The following STK3 variants were observed in gnomAD, a reference collection of about 807,000 sequenced individuals.
STK3 encodes serine/threonine-protein kinase 3.
STK3 carries 41 observed loss-of-function variants against 58.0 expected under a neutral mutation model. The ratio of observed to expected loss-of-function variants is 0.71; its 90% CI spans 0.55 to 0.92. The LOEUF is 0.92. Among genes scored for constraint, STK3 ranks in the 40% least tolerant of loss-of-function variants. STK3 has a pLI of 0.00. For synonymous variants in STK3, 170 were observed against 191.0 expected (o/e 0.89, Z 0.91); for missense variants, 479 against 602.7 (o/e 0.79, Z 2.15).
chr8:98,524,804 G>A (rs1385287084), intron 10 of STK3, among the ~76,000 whole-genome samples: 1 of 152,166 alleles, frequency 6.6e-6, no homozygotes, highest in Non-Finnish European at 1.5e-5. Context: ...CCCCATTCAA[G>A]TCAGCAGATG....
At chr8:98,887,418 T>A (rs563214226) in intron 1 of STK3, among the ~76,000 whole-genome samples, 1 of 152,298 alleles carries the variant, frequency 6.6e-6, no homozygotes, top group African/African-American at 2.4e-5. Context: ...CCAAAACACT[T>A]CTGGTCCTAA....
chr8:98,601,373 T>A (rs187474467), intron 6 of STK3, among the ~76,000 whole-genome samples: 20 of 152,278 alleles, frequency 1.3e-4, no homozygotes, highest in African/African-American at 4.6e-4. Context: ...ATAATATCCC[T>A]TTAATACAAT....
At chr8:98,803,613 A>G (rs1187899939) in intron 1 of STK3, among the ~76,000 whole-genome samples, 4 of 150,926 alleles carry the variant, frequency 2.7e-5, no homozygotes, top group African/African-American at 7.3e-5. Context: ...AAAAAAGAAA[A>G]AAAAAGAAAA....
chr8:98,367,213 T>C (rs1033790212), downstream of STK3, among the ~76,000 whole-genome samples: 1 of 152,232 alleles, frequency 6.6e-6, no homozygotes, highest in Non-Finnish European at 1.5e-5. Context: ...CCATAGTAAG[T>C]ATTCAATAAT....
intron 6 of STK3, among the ~76,000 whole-genome samples, chr8:98,621,786 C>A (rs979459004): frequency 4.0e-5 from 6 of 151,866 alleles, no homozygotes; most frequent in Non-Finnish European, 8.8e-5. Context: ...AACACTATGA[C>A]CCTGAATAAA....
intron 10 of STK3, among the ~76,000 whole-genome samples, chr8:98,478,907 C>T (rs573518110): frequency 1.3e-5 from 2 of 152,242 alleles, no homozygotes; most frequent in East Asian, 1.9e-4. Context: ...GAGCTTCTGT[C>T]GTTATCTTGT....
intron 10 of STK3, among the ~76,000 whole-genome samples, chr8:98,506,602 T>C (rs1019773668): frequency 3.3e-5 from 5 of 152,056 alleles, no homozygotes; most frequent in Non-Finnish European, 7.4e-5. Flanking sequence ...TCCCAGCTAC[T>C]TGGGAGGCTG....
chr8:98,683,482 TTA>T (rs1188103368), intron 6 of STK3, among the ~76,000 whole-genome samples: 1 of 152,112 alleles, frequency 6.6e-6, no homozygotes, highest in East Asian at 1.9e-4. Flanking sequence ...TTGGATATTC[TTA>T]TGTTAGAATC....
chr8:98,827,193 G>A (rs540674373), upstream of STK3, among the ~76,000 whole-genome samples: 4 of 148,886 alleles, frequency 2.7e-5, no homozygotes, highest in Non-Finnish European at 4.5e-5. Flanking sequence ...AAAGTTAGCC[G>A]GGCCTGGTGA....
rs189165877 is a variant in STK3 at position 98,382,138 on chromosome 8, G to C, written n.57-2931C>G. Among the ~76,000 whole-genome samples the C allele has an allele frequency of 2.6e-3, 393 of 152,290 alleles. 2 individuals are homozygous for C. Among genetic ancestry groups the C allele is most frequent in the Non-Finnish European group, 4.3e-3 (295 of 68,012 alleles). ...GGGAGCTGAGTGCAGACTGGGGCAG[G>C]AGCCCTGGGTGGAGACACACTGCCA... is the stretch of plus-strand genomic sequence containing the variant. On this transcript the variant is annotated intron_variant and non_coding_transcript_variant, in intron 1 of 2. Coordinates refer to the STK3 transcript ENST00000518704.
At chr8:98,926,187 C>T (rs1226270918) in intron 1 of STK3, among the ~76,000 whole-genome samples, 1 of 152,114 alleles carries the variant, frequency 6.6e-6, no homozygotes, top group Non-Finnish European at 1.5e-5. Context: ...ACCATTAGAA[C>T]GCTGATAAGG....
chr8:98,370,458 T>G (rs1452379290), downstream of STK3, among the ~76,000 whole-genome samples: 2 of 151,398 alleles, frequency 1.3e-5, no homozygotes, highest in African/African-American at 2.4e-5. Flanking sequence ...CTGGGCATCT[T>G]AATCAGAACA....
chr8:98,697,258 A>AT lies in STK3; in HGVS notation c.684+9208dup, dbSNP rs1554652156. On this transcript the variant is annotated intron_variant, in intron 6 of 10. Coordinates refer to ENST00000419617, the MANE Select transcript of STK3 (RefSeq NM_006281.4). ...TTGATTCTTCTCTCTTTTCTTCTTT[A>AT]TTAGTCTTGCTAGCGGTCTATCAAT... Among the ~76,000 whole-genome samples, 10 of 151,692 alleles carry AT rather than the reference A, an allele frequency of 6.6e-5. No homozygotes were observed. In the South Asian group the frequency reaches 8.4e-4, roughly 13 times the overall value.
Position 98,694,125 on chromosome 8 carries a change from T to C in STK3, c.684+12342A>G, listed in dbSNP as rs1375048439. 5.9e-5 allele frequency among the ~76,000 whole-genome samples: 9 copies of C among 152,294 alleles called. No homozygotes were observed. The South Asian group carries it at 1.9e-3, about 32-fold the overall frequency. ...TTTTACGCTGCCTATACTAAAGCAT[T>C]TGTTGCATCTATTTAAATGCTATGT... On this transcript the variant is annotated intron_variant, in intron 6 of 10. Transcript: ENST00000419617.
rs1047469932 is a variant in STK3, at chr8:98,403,590, T to C, written n.484-2077A>G. Among the ~76,000 whole-genome samples the C allele has an allele frequency of 7.2e-5, 11 of 152,108 alleles. No homozygotes were observed. In the South Asian group the frequency reaches 2.3e-3, roughly 32 times the overall value. On this transcript the variant is annotated intron_variant and non_coding_transcript_variant, in intron 3 of 3. Transcript: ENST00000517832. ...AGGAGCTGGCATATTGATCCACCAATTCCCACCAGTCATTGTTTGAGGGCT... is the reference window on the plus strand; with the variant it reads ...AGGAGCTGGCATATTGATCCACCAACTCCCACCAGTCATTGTTTGAGGGCT...
At chr8:98,418,544 G>A (rs1347275199) in intron 3 of STK3, among the ~76,000 whole-genome samples, 1 of 152,208 alleles carries the variant, frequency 6.6e-6, no homozygotes, top group African/African-American at 2.4e-5. Flanking sequence ...CAGCAGAAGG[G>A]CGAGGGCTGG....
chr8:98,478,480 C>T (rs1821561116), intron 10 of STK3, among the ~76,000 whole-genome samples: 1 of 152,142 alleles, frequency 6.6e-6, no homozygotes, highest in Admixed American at 6.5e-5. Flanking sequence ...CCAACTTTTC[C>T]AAGCCAGATG....
chr8:98,370,523 T>C (rs988999037), downstream of STK3, among the ~76,000 whole-genome samples: 4 of 152,056 alleles, frequency 2.6e-5, no homozygotes, highest in Non-Finnish European at 4.4e-5. Context: ...GGGTGGTAGC[T>C]CCATAGGTAA....
At chr8:98,531,159 A>T (rs542315188) in intron 9 of STK3, among the ~76,000 whole-genome samples, 1 of 152,328 alleles carries the variant, frequency 6.6e-6, no homozygotes, top group South Asian at 2.1e-4. Flanking sequence ...AATCCTTTCC[A>T]GAAGGTTTTC....
Sources: gnomAD v4.1 joint callset for allele counts (sites outside exome capture counted in the v4.1 genomes callset) on GRCh38, gnomAD v4.1.1 for gene constraint, MANE v1.5 for transcripts, NCBI Gene and HGNC (gene_info 2026-07-23, HGNC 2026-07-21) for gene names.